Variants in GLIS1 observed in about 807,000 individuals in gnomAD.
GLIS1 encodes GLIS family zinc finger 1, also known as zinc finger protein GLIS1.
GLIS1 carries 24 observed loss-of-function variants against 63.8 expected under a neutral mutation model. The ratio of observed to expected loss-of-function variants is 0.38; its 90% CI spans 0.27 to 0.53. The LOEUF is 0.53. Ranked by LOEUF, GLIS1 falls within the 20% of genes least tolerant of loss-of-function variation. The pLI is 0.85. For missense variants in GLIS1, 1,036 were observed against 1,074.1 expected (o/e 0.96, Z 0.50); for synonymous variants, 450 against 482.5 (o/e 0.93, Z 0.88).
chr1:53,655,368 C>A (rs933615679), intron 2 of GLIS1, among the ~76,000 whole-genome samples: 1 of 152,186 alleles, frequency 6.6e-6, no homozygotes, highest in African/African-American at 2.4e-5. Flanking sequence ...AAAATGTATT[C>A]ATTGATAATT....
At chr1:53,651,275 G>A (rs1466221379) in intron 2 of GLIS1, among the ~76,000 whole-genome samples, 3 of 152,176 alleles carry the variant, frequency 2.0e-5, no homozygotes, top group Admixed American at 6.5e-5. Context: ...AGGGAAACAA[G>A]GTTCGCATTT....
intron 4 of GLIS1, among the ~76,000 whole-genome samples, chr1:53,585,876 C>T (rs894910479): frequency 6.6e-6 from 1 of 152,210 alleles, no homozygotes; most frequent in Admixed American, 6.5e-5. Context: ...CCCTCCACCC[C>T]CTACAGAAAC....
Position 53,602,102 on chromosome 1 carries a change from C to T in GLIS1, c.260-1824G>A, listed in dbSNP as rs1463296625. Reference sequence around the variant, plus strand: ...CCCAGCCCCAGCCCCAGTCCTGGCCCGTCCTGCTGCGAGCAACGCTTGTTC... The same window carrying T: ...CCCAGCCCCAGCCCCAGTCCTGGCCTGTCCTGCTGCGAGCAACGCTTGTTC... On this transcript the variant is annotated intron_variant, in intron 2 of 10. Coordinates refer to ENST00000628545, the MANE Select transcript of GLIS1 (RefSeq NM_001367484.1). Among the ~76,000 whole-genome samples the T allele has an allele frequency of 4.6e-5, 7 of 152,318 alleles. No homozygotes were observed. In the East Asian group the frequency reaches 1.2e-3, roughly 25 times the overall value.
intron 2 of GLIS1, among the ~76,000 whole-genome samples, chr1:53,670,855 T>C (rs60173571): frequency 7.4e-4 from 112 of 152,360 alleles, no homozygotes; most frequent in African/African-American, 2.6e-3. Context: ...TGAAGATGTT[T>C]ATCACGTTAC....
At chr1:53,567,441 T>C (rs1644945021) in intron 4 of GLIS1, among the ~76,000 whole-genome samples, 1 of 152,226 alleles carries the variant, frequency 6.6e-6, no homozygotes, top group African/African-American at 2.4e-5. Flanking sequence ...TTTGGAAAAT[T>C]TGCAGCCTGA....
intron 2 of GLIS1, among the ~76,000 whole-genome samples, chr1:53,693,440 T>C (rs530945625): frequency 1.6e-4 from 25 of 152,294 alleles, no homozygotes; most frequent in African/African-American, 6.0e-4. Flanking sequence ...CTTGAGATGG[T>C]TCTCAGCAGC....
intron 2 of GLIS1, among the ~76,000 whole-genome samples, chr1:53,711,183 G>T (rs1646642994): frequency 6.6e-6 from 1 of 152,126 alleles, no homozygotes; most frequent in African/African-American, 2.4e-5. Flanking sequence ...GAACTGCCCT[G>T]TAAACCCCAG....
chr1:53,566,388 G>A (rs1644936748), intron 4 of GLIS1, among the ~76,000 whole-genome samples: 1 of 152,082 alleles, frequency 6.6e-6, no homozygotes, highest in South Asian at 2.1e-4. Context: ...TTATAGCAAG[G>A]TTGCAAGATA....
intron 6 of GLIS1, 42 bp downstream of exon 6, chr1:53,524,735 G>T: frequency 2.1e-6 from 3 of 1,440,038 alleles, no homozygotes; most frequent in Non-Finnish European, 2.0e-6. Flanking sequence ...GGTGCAGGCG[G>T]CTGCGAGGTG....
intron 2 of GLIS1, among the ~76,000 whole-genome samples, chr1:53,683,486 G>C (rs1169460444): frequency 1.3e-5 from 2 of 152,234 alleles, no homozygotes; most frequent in East Asian, 3.9e-4. Flanking sequence ...ATCTCTGCAG[G>C]CCTCATCTGT....
In GLIS1 at chr1:53,737,838, T is replaced by C; in HGVS notation, c.227A>G (p.Tyr76Cys). The change falls in exon 2 of 11, where the codon TAC (tyrosine) becomes TGC (cysteine). Residue 76 changes from tyrosine to cysteine, a missense_variant. This residue lies in a region of GLIS1 where 592 missense variants were observed against 593.9 expected (regional missense o/e 1.00). Transcript: ENST00000628545. ...GGCGGCGGCGGCCTTGGATGGACCG[T>C]AGTCTCGGGGACTGCGGGGCCGGAG... The part of the protein sequence containing the change: ...DLLRPRSPRD[Y>C]GPSKAAAAGK... 2 of 1,231,076 alleles carry C rather than the reference T, an allele frequency of 1.6e-6. No individual in the cohort carries two copies. The highest frequency in any genetic ancestry group is 2.0e-6 in the Non-Finnish European group (2 of 987,504). 76.3% of individuals were successfully genotyped at this position (1,231,076 alleles called of 1,614,324 possible).
At chr1:53,575,686 G>A (rs1645025956) in intron 4 of GLIS1, among the ~76,000 whole-genome samples, 1 of 152,220 alleles carries the variant, frequency 6.6e-6, no homozygotes, top group Admixed American at 6.5e-5. Context: ...CACAAGGCAG[G>A]ACATGGAGCA....
rs1419945404 is a variant in GLIS1, at chr1:53,584,031, A to G, written c.1320+10077T>C. ...CCACGGGTGCCCAGGCGTTGGCAAG[A>G]CTGGGTGCATGGTCCGAGGCCGGTG... is the stretch of plus-strand genomic sequence containing the variant. On this transcript the variant is annotated intron_variant, in intron 4 of 10. Coordinates refer to ENST00000628545, the MANE Select transcript of GLIS1 (RefSeq NM_001367484.1). Among the ~76,000 whole-genome samples, 3 of 152,184 alleles carry G rather than the reference A, an allele frequency of 2.0e-5. No homozygotes were observed. In the East Asian group the frequency reaches 5.8e-4, roughly 29 times the overall value.
In GLIS1 at chr1:53,660,760, G is replaced by A. The variant is rs190339739; in HGVS notation, c.260-60482C>T. On this transcript the variant is annotated intron_variant, in intron 2 of 10. Transcript: ENST00000628545. ...TCAGCTTGCTATCTGGCTGGATGGG[G>A]GCTCTCCTGGTGCTCAGGTTTATGG... 4.6e-5 allele frequency among the ~76,000 whole-genome samples: 7 copies of A among 152,250 alleles called. 1 individual carries two copies. In the East Asian group the frequency reaches 1.2e-3, roughly 25 times the overall value.
At position 53,594,894 on chromosome 1, in the gene GLIS1, C is replaced by G; in HGVS notation, c.534G>C (p.Glu178Asp). The G allele has an allele frequency of 6.5e-7, 1 of 1,536,790 alleles. No homozygotes were observed. Among genetic ancestry groups the G allele is most frequent in the Non-Finnish European group, 8.7e-7 (1 of 1,149,920 alleles). The change falls in exon 4 of 11, where the codon GAG becomes GAC. Residue 178 changes from glutamate (E) to aspartate (D), a missense_variant. Coordinates refer to ENST00000628545, the MANE Select transcript of GLIS1 (RefSeq NM_001367484.1). ...ESLPDYQAMA[E>D]ARTSLSAHCR... ...AGTGGGCAGACAGGGATGTGCGGGC[C>G]TCTGCCATGGCTTGGTAGTCGGGCA...
chr1:53,632,225 TGA>T (rs1417338050), intron 2 of GLIS1, among the ~76,000 whole-genome samples: 1 of 148,336 alleles, frequency 6.7e-6, no homozygotes, highest in Non-Finnish European at 1.5e-5. Flanking sequence ...GGCGTGTGAC[TGA>T]GTGTGACTGA....
chr1:53,599,277 T>C (rs1645291175), intron 3 of GLIS1, among the ~76,000 whole-genome samples: 1 of 152,208 alleles, frequency 6.6e-6, no homozygotes, highest in African/African-American at 2.4e-5. Context: ...GGTTGGGTCA[T>C]GAAGGCTCTG....
intron 3 of GLIS1, among the ~76,000 whole-genome samples, chr1:53,596,012 G>A (rs986896090): frequency 2.0e-5 from 3 of 152,232 alleles, no homozygotes; most frequent in Non-Finnish European, 4.4e-5. Context: ...ACATCCAGCC[G>A]TGCAAACGTG....
At chr1:53,627,165 G>A (rs1384557604) in intron 2 of GLIS1, among the ~76,000 whole-genome samples, 3 of 152,196 alleles carry the variant, frequency 2.0e-5, no homozygotes, top group African/African-American at 7.2e-5. Context: ...GGGAGGCAGA[G>A]GTTTACAAAA....
Sources: gnomAD v4.1 joint callset for allele counts (sites outside exome capture counted in the v4.1 genomes callset) on GRCh38, gnomAD v4.1.1 for gene constraint, gnomAD v4.1.1 regional missense constraint, MANE v1.5 for transcripts, NCBI Gene and HGNC (gene_info 2026-07-23, HGNC 2026-07-21) for gene names.